Variants in PCDHA4 observed in about 807,000 individuals in gnomAD.
The protein encoded by PCDHA4 is protocadherin alpha-4.
PCDHA4 carries 49 observed loss-of-function variants against 61.4 expected under a neutral mutation model. The ratio of observed to expected loss-of-function variants is 0.80; its 90% CI spans 0.63 to 1.01. The LOEUF (loss-of-function observed/expected upper bound fraction) is 1.01, where lower values mean the gene tolerates loss of function less well. Among genes scored for constraint, PCDHA4 ranks in the 50% least tolerant of loss-of-function variants. The pLI is 0.00. For synonymous variants in PCDHA4, 590 were observed against 550.3 expected, an observed-to-expected ratio of 1.07 and a Z score of -1.01; for missense variants, 1,254 against 1,235.8, an observed-to-expected ratio of 1.01 and a Z score of -0.22.
chr5:140,842,705 G>T, intron 1 of PCDHA4: 2 of 1,595,328 alleles, frequency 1.3e-6, no homozygotes, highest in Non-Finnish European at 1.7e-6. Context: ...CGAGTACACG[G>T]TGTTCGTGAA....
intron 1 of PCDHA4, chr5:140,815,743 C>T (rs1554126863): frequency 6.6e-6 from 1 of 152,154 alleles, no homozygotes; most frequent in Non-Finnish European, 1.5e-5. Flanking sequence ...AAGGCCCCCT[C>T]TTAACATTTC....
intron 1 of PCDHA4, among the ~76,000 whole-genome samples, chr5:140,933,534 ATAATGT>A (rs1401849089): frequency 6.6e-6 from 1 of 152,102 alleles, no homozygotes; most frequent in Non-Finnish European, 1.5e-5. Context: ...TAAACTCAAA[ATAATGT>A]TAATATAAAA....
chr5:140,997,349 G>A (rs954510019), intron 3 of PCDHA4, among the ~76,000 whole-genome samples: 3 of 152,256 alleles, frequency 2.0e-5, no homozygotes, highest in South Asian at 2.1e-4. Context: ...ATCATAGAAT[G>A]TACTTACATA....
intron 1 of PCDHA4, among the ~76,000 whole-genome samples, chr5:140,820,849 A>G (rs1417595878): frequency 6.6e-6 from 1 of 152,110 alleles, no homozygotes; most frequent in Non-Finnish European, 1.5e-5. Context: ...ACTTGAAGAA[A>G]TGCTATCTAG....
At chr5:140,929,036 C>T in intron 1 of PCDHA4, 1 of 1,614,178 alleles carries the variant, frequency 6.2e-7, no homozygotes, top group Non-Finnish European at 8.5e-7. Flanking sequence ...GGCTGTTGCG[C>T]TCAGAGCTGC....
At chr5:140,870,161 CCTT>C in intron 1 of PCDHA4, 2 of 1,614,124 alleles carry the variant, frequency 1.2e-6, no homozygotes, top group Non-Finnish European at 1.7e-6. Flanking sequence ...GCCGTGACTT[CCTT>C]GTCCCTCCCA....
chr5:140,853,435 A>G lies in PCDHA4; in HGVS notation c.2385+43863A>G, dbSNP rs2150531946. ...GTGAAAGCAGAAGAGACACTTTCCTATTTTGCCTAATAGGTCTCCTTATAT... is the reference window on the plus strand; with the variant it reads ...GTGAAAGCAGAAGAGACACTTTCCTGTTTTGCCTAATAGGTCTCCTTATAT... On this transcript the variant is annotated intron_variant, in intron 1 of 3. Coordinates refer to ENST00000530339, the MANE Select transcript of PCDHA4 (RefSeq NM_018907.4). 6.1e-5 allele frequency: 60 copies of G among 984,096 alleles called. 8 individuals carry two copies. Among genetic ancestry groups the G allele is most frequent in the Non-Finnish European group, 6.7e-5 (55 of 816,498 alleles). The allele number at this position is 984,096 out of a possible 1,614,324, so 61.0% of individuals were successfully genotyped here.
At chr5:140,937,500 C>T (rs2091549219) in intron 1 of PCDHA4, among the ~76,000 whole-genome samples, 1 of 152,024 alleles carries the variant, frequency 6.6e-6, no homozygotes, top group Admixed American at 6.6e-5. Context: ...ACCCGTAATC[C>T]CAGCTACTCA....
intron 1 of PCDHA4, among the ~76,000 whole-genome samples, chr5:140,919,172 A>G (rs144962710): frequency 6.6e-6 from 1 of 152,282 alleles, no homozygotes; most frequent in African/African-American, 2.4e-5. Flanking sequence ...TTTAGTTGCT[A>G]TATCTTCCTG....
chr5:140,942,588 A>T (rs1416575390), intron 1 of PCDHA4, among the ~76,000 whole-genome samples: 1 of 149,588 alleles, frequency 6.7e-6, no homozygotes, highest in South Asian at 2.1e-4. Flanking sequence ...AGGATGTCAC[A>T]TATAATTATA....
chr5:140,835,407 G>A (rs2150234983), intron 1 of PCDHA4: 1 of 1,613,974 alleles, frequency 6.2e-7, no homozygotes, highest in Non-Finnish European at 8.5e-7. Flanking sequence ...GGAAGTTGTG[G>A]ATGTAAATGA....
intron 1 of PCDHA4, chr5:140,849,159 C>T (rs1554142780): frequency 2.5e-6 from 3 of 1,184,538 alleles, no homozygotes; most frequent in Non-Finnish European, 3.5e-6. Context: ...CAAACCCGAG[C>T]TGACTGGCAC....
chr5:140,936,868 A>T (rs543976186), intron 1 of PCDHA4, among the ~76,000 whole-genome samples: 3 of 152,270 alleles, frequency 2.0e-5, no homozygotes, highest in South Asian at 2.1e-4. Flanking sequence ...TTTCTATTTT[A>T]AAAAACCCTG....
At chr5:140,992,271 T>C (rs1375901464) in intron 3 of PCDHA4, among the ~76,000 whole-genome samples, 1 of 152,184 alleles carries the variant, frequency 6.6e-6, no homozygotes, top group African/African-American at 2.4e-5. Flanking sequence ...GTTCTTTTCG[T>C]AGCACATCCC....
chr5:140,859,677 A>G (rs942745951), intron 1 of PCDHA4: 1 of 154,782 alleles, frequency 6.5e-6, no homozygotes, highest in South Asian at 2.0e-4. Context: ...GCTTCAAATA[A>G]AATTAAAATT....
At chr5:140,836,382 G>T in intron 1 of PCDHA4, 1 of 1,613,752 alleles carries the variant, frequency 6.2e-7, no homozygotes, top group Non-Finnish European at 8.5e-7. Flanking sequence ...CACCGTGCTG[G>T]TGTCGCTGGT....
Position 140,841,187 on chromosome 5 carries a change from CTT to C in PCDHA4, c.2385+31618_2385+31619del, listed in dbSNP as rs1212743736. On this transcript the variant is annotated intron_variant, in intron 1 of 3. Transcript: ENST00000530339. The stretch of plus-strand genomic sequence containing the variant: ...GTTCTGGTTGGTCAATGTTCAAAGT[CTT>C]TTCTCTGACAGCATCTGTCTCTAAA... 46 of 1,214,448 alleles carry C rather than the reference CTT, an allele frequency of 3.8e-5. 1 individual carries two copies. The Admixed American group carries it at 6.8e-4, about 18-fold the overall frequency. 75.2% of individuals were successfully genotyped at this position (1,214,448 alleles called of 1,614,324 possible).
At chr5:140,851,465 C>A in intron 1 of PCDHA4, 1 of 894,660 alleles carries the variant, frequency 1.1e-6, no homozygotes, top group Non-Finnish European at 1.4e-6. Flanking sequence ...CAAATTATGT[C>A]AATAAATGTT....
At chr5:140,857,667 G>T (rs375722457) in intron 1 of PCDHA4, 10 of 1,596,922 alleles carry the variant, frequency 6.3e-6, no homozygotes, top group East Asian at 4.5e-5. Flanking sequence ...CGCGATGGGG[G>T]CGTGCCGCCT....
Sources: gnomAD v4.1 joint callset for allele counts (sites outside exome capture counted in the v4.1 genomes callset) on GRCh38, gnomAD v4.1.1 for gene constraint, MANE v1.5 for transcripts, NCBI Gene and HGNC (gene_info 2026-07-23, HGNC 2026-07-21) for gene names.